TLR1: variants seen among roughly 807,000 people sequenced by gnomAD.
The protein encoded by TLR1 is toll like receptor 1, also known as toll-like receptor 1.
Under a neutral mutation model 20.2 loss-of-function variants are expected in TLR1, and 19 were observed. That is an observed-to-expected ratio of 0.94 (90% CI 0.66 to 1.38). The LOEUF is 1.38. TLR1 is among the 40% of genes most tolerant of loss of function. TLR1 has a pLI of 0.00. For synonymous variants in TLR1, 320 were observed against 334.5 expected, an observed-to-expected ratio of 0.96 and a Z score of 0.47; for missense variants, 921 against 910.0, an observed-to-expected ratio of 1.01 and a Z score of -0.16.
chr4:38,799,372 T>G (rs1560461457), intron 3 of TLR1, among the ~76,000 whole-genome samples: 1 of 152,086 alleles, frequency 6.6e-6, no homozygotes, highest in Admixed American at 6.6e-5. Context: ...GAGAAGGCCT[T>G]GTGACAGTGG....
Position 38,797,198 on chromosome 4 carries a change from T to G in TLR1, c.1634A>C (p.Glu545Ala), listed in dbSNP as rs1334874037. The G allele has an allele frequency of 6.2e-7, 1 of 1,614,116 alleles. No homozygotes were observed. Among genetic ancestry groups the G allele is most frequent in the East Asian group, 2.2e-5 (1 of 44,906 alleles). The change falls in exon 4 of 4, where the codon GAA becomes GCA. Residue 545 changes from glutamate (E) to alanine (A), a missense_variant. By Grantham distance (107) the Glu-to-Ala change is moderately radical. Transcript: ENST00000308979. Reference protein sequence around the residue: ...FVKNIDQVSSEVLEGWPDSYK... With the variant: ...FVKNIDQVSSAVLEGWPDSYK... ...AGAATCAGGCCAGCCCTCTAACACT[T>G]CACTTGATACTTGGTCTATATTTTT...
intron 3 of TLR1, among the ~76,000 whole-genome samples, chr4:38,799,751 T>G (rs1726504892): frequency 6.6e-6 from 1 of 152,226 alleles, no homozygotes; most frequent in African/African-American, 2.4e-5. Context: ...ATACACGGTT[T>G]GGGTCTAACT....
intron 3 of TLR1, 54 bp from the exon 4 acceptor site, chr4:38,798,952 AC>A: frequency 2.3e-6 from 2 of 873,212 alleles, no homozygotes; most frequent in Non-Finnish European, 3.4e-6. Flanking sequence ...TTTAAAATAC[AC>A]GAAATTAGTC....
At chr4:38,793,013 C>G (rs1725817321), downstream of TLR1, among the ~76,000 whole-genome samples, 1 of 151,894 alleles carries the variant, frequency 6.6e-6, no homozygotes, top group Non-Finnish European at 1.5e-5. Flanking sequence ...AGGTGTGAGA[C>G]TAGATAACTG....
At position 38,798,743 on chromosome 4, in the gene TLR1, T is replaced by A. The variant is rs763240496; in HGVS notation, c.89A>T (p.Asp30Val). 6.2e-7 allele frequency: 1 copy of A among 1,612,956 alleles called. No individual in the cohort carries two copies. The highest frequency in any genetic ancestry group is 1.7e-5 in the Admixed American group (1 of 59,958). Residue 30 changes from aspartate to valine, a missense_variant, in exon 4 of 4, where the codon GAT (aspartate) becomes GTT (valine). Transcript: ENST00000308979. ...GTGGATGAGACCGTTTTTTGACCTA[T>A]CAACTAAAAATTCACTTTCTTCAGA... Reference protein sequence around the residue: ...QLSEESEFLVDRSKNGLIHVP... With the variant: ...QLSEESEFLVVRSKNGLIHVP...
rs1371955355 is a variant in TLR1, at chr4:38,797,689, C to A, written c.1143G>T (p.Met381Ile). 2 of 1,613,758 alleles carry A rather than the reference C, an allele frequency of 1.2e-6. No homozygotes were observed. Among genetic ancestry groups the A allele is most frequent in the African/African-American group, 1.3e-5 (1 of 74,904 alleles). The change falls in exon 4 of 4, where the codon ATG (methionine) becomes ATT (isoleucine). Residue 381 changes from methionine (M) to isoleucine (I), a missense_variant. Physicochemically the swap from Met to Ile is conservative, Grantham distance 10. Coordinates refer to ENST00000308979, the MANE Select transcript of TLR1 (RefSeq NM_003263.4). ...TTTTTGAAAGTTCTTTTAATTGATTCATTTGTAAAATAAGTGTCTCCAACT... is the reference window on the plus strand; with the variant it reads ...TTTTTGAAAGTTCTTTTAATTGATTAATTTGTAAAATAAGTGTCTCCAACT... The part of the protein sequence containing the change: ...LTELETLILQ[M>I]NQLKELSKIA...
At chr4:38,800,582 A>G (rs939465154) in intron 3 of TLR1, 1 of 151,902 alleles carries the variant, frequency 6.6e-6, no homozygotes, top group African/African-American at 2.4e-5. Context: ...TGAACTCTAG[A>G]GTGTGCAGTC....
Position 38,797,937 on chromosome 4 carries a change from A to C in TLR1, c.895T>G (p.Leu299Val). Residue 299 changes from leucine (L) to valine (V), a missense_variant, in exon 4 of 4, where the codon TTG becomes GTG. Physicochemically the swap from Leu to Val is conservative, Grantham distance 32. Transcript: ENST00000308979. ...ACTTGGTGTATAGACAAGGCCTTCA[A>C]GGAAGTGCCAGAATAATCAAAATCT... ...FRDFDYSGTS[L>V]KALSIHQVVS... is the part of the protein sequence containing the mutation. 3 of 1,614,218 alleles carry C rather than the reference A, an allele frequency of 1.9e-6. No homozygotes were observed.
intron 2 of TLR1, among the ~76,000 whole-genome samples, chr4:38,803,300 C>G (rs73236620): frequency 6.6e-6 from 1 of 152,170 alleles, no homozygotes; most frequent in Non-Finnish European, 1.5e-5. Flanking sequence ...GCGTGACACT[C>G]TCTCTCTTAC....
intron 2 of TLR1, among the ~76,000 whole-genome samples, chr4:38,801,370 A>T (rs1726630657): frequency 6.6e-6 from 1 of 152,192 alleles, no homozygotes; most frequent in African/African-American, 2.4e-5. Context: ...CTGATCTTAG[A>T]CTTCTACCTT....
At chr4:38,793,592 C>G (rs966968381), downstream of TLR1, among the ~76,000 whole-genome samples, 3 of 152,152 alleles carry the variant, frequency 2.0e-5, no homozygotes, top group African/African-American at 7.2e-5. Flanking sequence ...CGCCAGCATC[C>G]TTAAAACCAC....
rs1428972749 is a variant in TLR1, at chr4:38,797,265, C to A, written c.1567G>T (p.Asp523Tyr). ...TCACAGGTACATTGGAATGGATTGT[C>A]CCCTGCTTTTATTGACCTCATCTTC... Reference protein sequence around the residue: ...CQKMRSIKAGDNPFQCTCELG... With the variant: ...CQKMRSIKAGYNPFQCTCELG... The change falls in exon 4 of 4, where the codon GAC (aspartate) becomes TAC (tyrosine). Residue 523 changes from aspartate to tyrosine, a missense_variant. Transcript: ENST00000308979. The A allele has an allele frequency of 6.2e-7, 1 of 1,614,168 alleles. No individual in the cohort carries two copies.
downstream of TLR1, among the ~76,000 whole-genome samples, chr4:38,792,072 A>G (rs1725750095): frequency 6.6e-6 from 1 of 152,208 alleles, no homozygotes; most frequent in Non-Finnish European, 1.5e-5. Context: ...AGGTACCAGT[A>G]TTATGCCCAT....
At chr4:38,795,485 C>T (rs141052890), downstream of TLR1, among the ~76,000 whole-genome samples, 406 of 152,244 alleles carry the variant, frequency 2.7e-3, 2 homozygotes, top group African/African-American at 8.9e-3. Context: ...ATAGAAGCAC[C>T]GTATATCAAC....
rs1200522414 is a variant in TLR1 at position 38,798,015 on chromosome 4, C to T, written c.817G>A (p.Val273Ile). The change falls in exon 4 of 4, where the codon GTA (valine) becomes ATA (isoleucine). Residue 273 changes from valine to isoleucine, a missense_variant. Val to Ile is a conservative substitution (Grantham distance 29). Transcript: ENST00000308979. ...ACGTTTGAAATTGAGAAATACCATA[C>T]AGTTGTATGCCAAACCAGCTGGAGG... Reference protein sequence around the residue: ...RILQLVWHTTVWYFSISNVKL... With the variant: ...RILQLVWHTTIWYFSISNVKL... 6 of 1,614,022 alleles carry T rather than the reference C, an allele frequency of 3.7e-6. No homozygotes were observed. Among genetic ancestry groups the T allele is most frequent in the Non-Finnish European group, 5.1e-6 (6 of 1,180,036 alleles).
downstream of TLR1, among the ~76,000 whole-genome samples, chr4:38,793,985 G>C (rs1403293356): frequency 6.6e-6 from 1 of 152,080 alleles, no homozygotes; most frequent in African/African-American, 2.4e-5. Flanking sequence ...TAAGAAAAGA[G>C]ACTGGGTTGT....
At chr4:38,804,562 G>A (rs746812442) in intron 1 of TLR1, among the ~76,000 whole-genome samples, 180 bp from the exon 2 acceptor site, 1 of 152,164 alleles carries the variant, frequency 6.6e-6, no homozygotes, top group Non-Finnish European at 1.5e-5. Flanking sequence ...GGAGTGTGGG[G>A]ACTTTCTCTG....
At chr4:38,796,177 A>G (rs1726037467), downstream of TLR1, 1 of 368,346 alleles carries the variant, frequency 2.7e-6, no homozygotes. Context: ...AACACACATC[A>G]CTGAAGAAAA....
downstream of TLR1, among the ~76,000 whole-genome samples, chr4:38,788,881 C>T (rs1261819520): frequency 6.6e-6 from 1 of 151,970 alleles, no homozygotes; most frequent in Non-Finnish European, 1.5e-5. Context: ...AGTGGCATGC[C>T]CATATTCCTA....
Sources: allele counts gnomAD v4.1 joint callset (sites outside exome capture counted in the v4.1 genomes callset), GRCh38; gene constraint gnomAD v4.1.1; transcripts MANE v1.5; gene names NCBI Gene and HGNC (gene_info 2026-07-23, HGNC 2026-07-21).